RERE: variants seen among roughly 807,000 people sequenced by gnomAD.
RERE encodes the protein arginine-glutamic acid dipeptide repeats protein.
Under a neutral mutation model 146.1 loss-of-function variants are expected in RERE, and 40 were observed. The observed-to-expected ratio is 0.27, with a 90% CI of 0.21 to 0.36. RERE has a LOEUF of 0.36. Among genes scored for constraint, RERE ranks in the 10% least tolerant of loss-of-function variants. RERE has a pLI of 1.00. For missense variants in RERE, 1,933 were observed against 2,138.7 expected (o/e 0.90, Z 1.90); for synonymous variants, 1,003 against 866.0 (o/e 1.16, Z -2.78).
At chr1:8,432,997 A>G (rs1644116028) in intron 11 of RERE, among the ~76,000 whole-genome samples, 1 of 152,238 alleles carries the variant, frequency 6.6e-6, no homozygotes, top group Non-Finnish European at 1.5e-5. Context: ...ATATATACAC[A>G]TATACATATA....
At chr1:8,436,029 A>G (rs1402374992) in intron 11 of RERE, among the ~76,000 whole-genome samples, 2 of 152,244 alleles carry the variant, frequency 1.3e-5, no homozygotes, top group African/African-American at 2.4e-5. Flanking sequence ...AATTAAAAAT[A>G]ACCCAACACG....
intron 1 of RERE, among the ~76,000 whole-genome samples, chr1:8,809,743 A>AC (rs1641757548): frequency 6.6e-6 from 1 of 152,254 alleles, no homozygotes; most frequent in Non-Finnish European, 1.5e-5. Context: ...TTAAGTGTGA[A>AC]CACACATACT....
chr1:8,757,110 A>T lies in RERE; in HGVS notation c.-145+60050T>A, dbSNP rs1283247445. Among the ~76,000 whole-genome samples, 4 of 151,612 alleles carry T rather than the reference A, an allele frequency of 2.6e-5. No homozygotes were observed. The East Asian group carries it at 7.7e-4, about 29-fold the overall frequency. ...CATCTCAAAAAAAAAAAAAAAAAAAAAGCAAACCAGTTACTGCTTCTGATG... is the reference window on the plus strand; with the variant it reads ...CATCTCAAAAAAAAAAAAAAAAAAATAGCAAACCAGTTACTGCTTCTGATG... On this transcript the variant is annotated intron_variant, in intron 1 of 22. Transcript: ENST00000400908.
At chr1:8,774,747 A>G (rs1038998289) in intron 1 of RERE, among the ~76,000 whole-genome samples, 2 of 152,118 alleles carry the variant, frequency 1.3e-5, no homozygotes, top group African/African-American at 4.8e-5. Context: ...ATTATACAGA[A>G]TAAAACCATG....
chr1:8,678,043 G>C (rs1232921371), intron 1 of RERE, among the ~76,000 whole-genome samples: 1 of 152,158 alleles, frequency 6.6e-6, no homozygotes, highest in Non-Finnish European at 1.5e-5. Flanking sequence ...TCCCTCCAAA[G>C]GGCCTGCAGC....
At chr1:8,453,918 G>A (rs1027799187) in intron 11 of RERE, among the ~76,000 whole-genome samples, 1 of 152,152 alleles carries the variant, frequency 6.6e-6, no homozygotes, top group Non-Finnish European at 1.5e-5. Flanking sequence ...TCTGAAAAAA[G>A]AAAATGAGTA....
intron 12 of RERE, among the ~76,000 whole-genome samples, chr1:8,413,940 A>C (rs1039643403): frequency 6.6e-6 from 1 of 151,592 alleles, no homozygotes; most frequent in Non-Finnish European, 1.5e-5. Context: ...CTATAATCCC[A>C]GCCATTCGGG....
At chr1:8,732,923 G>A (rs558520031) in intron 1 of RERE, among the ~76,000 whole-genome samples, 4 of 135,316 alleles carry the variant, frequency 3.0e-5, no homozygotes, top group East Asian at 2.5e-4. Context: ...CCGGGTTCAC[G>A]CCATTCTCCT....
chr1:8,745,547 T>G (rs146642022), intron 1 of RERE, among the ~76,000 whole-genome samples: 1 of 152,168 alleles, frequency 6.6e-6, no homozygotes, highest in Non-Finnish European at 1.5e-5. Flanking sequence ...TCAGCTGTCA[T>G]GATCGCCTGG....
chr1:8,555,533 T>C (rs1645997310), intron 6 of RERE, among the ~76,000 whole-genome samples: 1 of 152,200 alleles, frequency 6.6e-6, no homozygotes, highest in Non-Finnish European at 1.5e-5. Context: ...ATGGAGAAAT[T>C]ATTGTAACTC....
intron 8 of RERE, 58 bp downstream of exon 8, chr1:8,508,569 G>A (rs1645287900): frequency 6.4e-6 from 8 of 1,241,116 alleles, no homozygotes; most frequent in Non-Finnish European, 9.4e-6. Context: ...AGAATAAAGT[G>A]CCAGCAGAGT....
intron 7 of RERE, among the ~76,000 whole-genome samples, chr1:8,521,286 A>G (rs1252290553): frequency 6.6e-6 from 1 of 152,164 alleles, no homozygotes; most frequent in Admixed American, 6.5e-5. Context: ...CTGGTGGTTA[A>G]TAATTAGTGT....
intron 4 of RERE, among the ~76,000 whole-genome samples, chr1:8,610,551 G>T (rs542256183): frequency 1.2e-4 from 19 of 152,074 alleles, no homozygotes; most frequent in African/African-American, 4.6e-4. Flanking sequence ...CCGCACCATT[G>T]CACTCCAGAC....
At chr1:8,482,640 G>C (rs12724979) in intron 10 of RERE, among the ~76,000 whole-genome samples, 98,714 of 146,088 alleles carry the variant, frequency 0.68, 34,172 homozygotes, top group East Asian at 0.84. Flanking sequence ...CAAGATGGTG[G>C]CACTGCACTC....
chr1:8,458,300 T>G (rs1252797711), intron 11 of RERE, among the ~76,000 whole-genome samples: 2 of 151,554 alleles, frequency 1.3e-5, no homozygotes, highest in African/African-American at 2.4e-5. Context: ...GCTATCTCCA[T>G]TTTTTTACAT....
intron 7 of RERE, among the ~76,000 whole-genome samples, chr1:8,514,471 T>C (rs1464490567): frequency 6.6e-6 from 1 of 152,194 alleles, no homozygotes; most frequent in Non-Finnish European, 1.5e-5. Flanking sequence ...GGCTCACGCC[T>C]GTAATCACAG....
intron 12 of RERE, among the ~76,000 whole-genome samples, chr1:8,393,815 A>AC (rs1642964244): frequency 6.6e-6 from 1 of 152,164 alleles, no homozygotes; most frequent in Non-Finnish European, 1.5e-5. Context: ...AAAAGTAAAA[A>AC]CTATATAGAG....
chr1:8,738,910 T>C (rs926989944), intron 1 of RERE, among the ~76,000 whole-genome samples: 1 of 152,152 alleles, frequency 6.6e-6, no homozygotes, highest in Non-Finnish European at 1.5e-5. Flanking sequence ...CAAACCCATA[T>C]AGGACAGGCA....
At chr1:8,740,969 T>A (rs752043208) in intron 1 of RERE, among the ~76,000 whole-genome samples, 7 of 152,186 alleles carry the variant, frequency 4.6e-5, no homozygotes, top group Non-Finnish European at 1.0e-4. Context: ...AGTAAAACAA[T>A]CATTTATAAT....
Sources: allele counts gnomAD v4.1 joint callset (sites outside exome capture counted in the v4.1 genomes callset), GRCh38; gene constraint gnomAD v4.1.1; transcripts MANE v1.5; gene names NCBI Gene and HGNC (gene_info 2026-07-23, HGNC 2026-07-21).